The following PCDH9 variants were observed in gnomAD, a reference collection of about 807,000 sequenced individuals.
PCDH9 encodes the protein protocadherin-9.
In PCDH9, 24 loss-of-function variants were observed where a neutral mutation model predicts 70.6. That is an observed-to-expected ratio of 0.34 (90% CI 0.25 to 0.48). The LOEUF (loss-of-function observed/expected upper bound fraction) is 0.48. Among genes scored for constraint, PCDH9 ranks in the 20% least tolerant of loss-of-function variants. PCDH9 has a pLI of 0.99. For synonymous variants in PCDH9, 562 were observed against 558.5 expected, an observed-to-expected ratio of 1.01 and a Z score of -0.09; for missense variants, 1,281 against 1,503.6, an observed-to-expected ratio of 0.85 and a Z score of 2.45.
intron 3 of PCDH9, among the ~76,000 whole-genome samples, chr13:66,765,204 AT>A (rs2079695686): frequency 1.3e-5 from 2 of 152,008 alleles, no homozygotes; most frequent in African/African-American, 4.8e-5. Flanking sequence ...CAAGGCCTGA[AT>A]TCTTAACTTT....
chr13:66,570,761 C>T (rs74359169), intron 4 of PCDH9, among the ~76,000 whole-genome samples: 3,447 of 152,144 alleles, frequency 0.023, 129 homozygotes, highest in African/African-American at 0.078. Context: ...AGGTTGAAGA[C>T]AACAGAATCC....
chr13:66,689,233 C>A (rs1451692998), intron 3 of PCDH9, among the ~76,000 whole-genome samples: 4 of 152,100 alleles, frequency 2.6e-5, no homozygotes, highest in African/African-American at 9.7e-5. Flanking sequence ...CTTATACAGC[C>A]CTCTAGTGTT....
At chr13:66,659,796 G>T (rs961197385) in intron 3 of PCDH9, among the ~76,000 whole-genome samples, 4 of 151,856 alleles carry the variant, frequency 2.6e-5, no homozygotes, top group African/African-American at 4.8e-5. Context: ...CTGATTTGGG[G>T]TGTGTGCCTG....
At chr13:66,558,877 T>C (rs1961865998) in intron 4 of PCDH9, among the ~76,000 whole-genome samples, 1 of 152,174 alleles carries the variant, frequency 6.6e-6, no homozygotes, top group African/African-American at 2.4e-5. Flanking sequence ...TTGCTTTCAG[T>C]TGTAATTAAG....
chr13:66,881,133 C>T (rs1361016554), intron 3 of PCDH9, among the ~76,000 whole-genome samples: 1 of 152,164 alleles, frequency 6.6e-6, no homozygotes, highest in African/African-American at 2.4e-5. Context: ...TAGTGATCTA[C>T]TAAATGCAGT....
chr13:66,595,450 T>C (rs1199766677), intron 4 of PCDH9, among the ~76,000 whole-genome samples: 1 of 151,810 alleles, frequency 6.6e-6, no homozygotes, highest in Non-Finnish European at 1.5e-5. Context: ...ATGGGTATAA[T>C]GCATTGTATA....
intron 3 of PCDH9, among the ~76,000 whole-genome samples, chr13:66,899,704 A>G (rs2082246347): frequency 1.3e-5 from 2 of 152,118 alleles, no homozygotes; most frequent in East Asian, 1.9e-4. Flanking sequence ...TGAAATACGG[A>G]TCAAAAATGC....
At chr13:67,155,712 A>G (rs1416650881) in intron 2 of PCDH9, among the ~76,000 whole-genome samples, 1 of 152,124 alleles carries the variant, frequency 6.6e-6, no homozygotes, top group African/African-American at 2.4e-5. Flanking sequence ...AATTGTACAA[A>G]GAGGGGTAAA....
chr13:66,971,963 G>T (rs1269684578), intron 2 of PCDH9, among the ~76,000 whole-genome samples: 1 of 151,744 alleles, frequency 6.6e-6, no homozygotes, highest in African/African-American at 2.4e-5. Context: ...GATAATATAT[G>T]ATCTTAATAT....
intron 2 of PCDH9, among the ~76,000 whole-genome samples, chr13:66,961,977 G>A (rs1457552712): frequency 6.6e-6 from 1 of 152,024 alleles, no homozygotes; most frequent in Non-Finnish European, 1.5e-5. Context: ...CTTGAATCCG[G>A]GAGGTGGAGG....
intron 2 of PCDH9, among the ~76,000 whole-genome samples, chr13:66,968,364 T>G (rs1469108021): frequency 6.6e-6 from 1 of 152,004 alleles, no homozygotes; most frequent in Non-Finnish European, 1.5e-5. Context: ...TACGGTATAC[T>G]TCTATTAAAG....
chr13:66,326,892 G>C lies in PCDH9; in HGVS notation c.3341-21864C>G, dbSNP rs562640652. Among the ~76,000 whole-genome samples the C allele has an allele frequency of 6.0e-5, 9 of 150,074 alleles. No individual in the cohort carries two copies. The South Asian group carries it at 1.9e-3, about 31-fold the overall frequency. On this transcript the variant is annotated intron_variant, in intron 4 of 4. Coordinates refer to ENST00000377865, the MANE Select transcript of PCDH9 (RefSeq NM_203487.3). Reference sequence around the variant, plus strand: ...GCCTCTTCTTCCCCACCCAACTTAAGCACAATGGCTTAGTTTCAGACCTGC... The same window carrying C: ...GCCTCTTCTTCCCCACCCAACTTAACCACAATGGCTTAGTTTCAGACCTGC...
At chr13:67,131,922 C>T (rs1566444751) in intron 2 of PCDH9, among the ~76,000 whole-genome samples, 1 of 152,096 alleles carries the variant, frequency 6.6e-6, no homozygotes, top group Non-Finnish European at 1.5e-5. Flanking sequence ...CATAGAAGAC[C>T]ATTTTTCAAT....
At chr13:66,411,943 C>T (rs1326890984) in intron 4 of PCDH9, among the ~76,000 whole-genome samples, 3 of 152,110 alleles carry the variant, frequency 2.0e-5, no homozygotes, top group African/African-American at 7.2e-5. Context: ...GTTTTCAAGC[C>T]ACTCAAAACT....
intron 4 of PCDH9, among the ~76,000 whole-genome samples, chr13:66,603,838 T>C (rs1237778297): frequency 6.6e-6 from 1 of 152,030 alleles, no homozygotes; most frequent in Non-Finnish European, 1.5e-5. Flanking sequence ...CAGAGAAACA[T>C]TTAATATTAG....
chr13:66,831,279 C>T (rs1373544304), intron 3 of PCDH9, among the ~76,000 whole-genome samples: 2 of 152,130 alleles, frequency 1.3e-5, no homozygotes, highest in African/African-American at 4.8e-5. Context: ...TCTACAACCT[C>T]TTTTTTGTTT....
intron 2 of PCDH9, among the ~76,000 whole-genome samples, chr13:66,933,260 C>A (rs186501385): frequency 5.3e-4 from 80 of 152,152 alleles, no homozygotes; most frequent in Non-Finnish European, 8.5e-4. Context: ...ACTAAAATGC[C>A]TTTTACCTAT....
chr13:66,743,291 C>T (rs1188504495), intron 3 of PCDH9, among the ~76,000 whole-genome samples: 1 of 111,614 alleles, frequency 9.0e-6, no homozygotes, highest in Non-Finnish European at 1.8e-5. Context: ...GGGAATTGAA[C>T]AATGAGATCA....
intron 2 of PCDH9, among the ~76,000 whole-genome samples, chr13:66,989,323 A>C (rs1186669052): frequency 6.6e-6 from 1 of 151,954 alleles, no homozygotes; most frequent in Non-Finnish European, 1.5e-5. Context: ...AAAATCCCAA[A>C]TGACCTTATG....
Sources: gnomAD v4.1 joint callset for allele counts (sites outside exome capture counted in the v4.1 genomes callset) on GRCh38, gnomAD v4.1.1 for gene constraint, MANE v1.5 for transcripts, NCBI Gene and HGNC (gene_info 2026-07-23, HGNC 2026-07-21) for gene names.